Variants in RASEF observed in about 807,000 individuals in gnomAD.
RASEF encodes the protein RAS and EF-hand domain containing.
Under a neutral mutation model 90.1 loss-of-function variants are expected in RASEF, and 68 were observed. That is an observed-to-expected ratio of 0.75 (90% CI 0.62 to 0.92). RASEF has a LOEUF of 0.92. Ranked by LOEUF, RASEF falls within the 40% of genes least tolerant of loss-of-function variation. The probability of loss-of-function intolerance (pLI) is 0.00; values close to 1 mark genes in which losing one functional copy is unlikely to be tolerated. For synonymous variants in RASEF, 331 were observed against 345.2 expected (o/e 0.96, Z 0.46); for missense variants, 949 against 937.2 (o/e 1.01, Z -0.16).
At chr9:83,058,211 C>T in intron 1 of RASEF, among the ~76,000 whole-genome samples, 1 of 103,332 alleles carries the variant, frequency 9.7e-6, no homozygotes, top group Non-Finnish European at 1.7e-5. Context: ...GAGAAGGAGT[C>T]TCGCTCTGTC....
the RASEF span, among the ~76,000 whole-genome samples, chr9:83,212,213 C>T: frequency 6.6e-6 from 1 of 152,128 alleles, no homozygotes; most frequent in Non-Finnish European, 1.5e-5. Context: ...AGTAACTTGC[C>T]CAAGGTCACA....
the RASEF span, among the ~76,000 whole-genome samples, chr9:83,114,299 C>T: frequency 6.6e-6 from 1 of 152,178 alleles, no homozygotes; most frequent in Non-Finnish European, 1.5e-5. Context: ...TTTCCTATGC[C>T]TGTCTTTGCT....
the RASEF span, among the ~76,000 whole-genome samples, chr9:83,144,653 C>T: frequency 1.2e-4 from 19 of 152,182 alleles, no homozygotes; most frequent in East Asian, 3.7e-3. Context: ...TGAAAGAGCA[C>T]AGTACATCCA....
the RASEF span, among the ~76,000 whole-genome samples, chr9:83,150,752 TAA>T: frequency 6.6e-6 from 1 of 152,222 alleles, no homozygotes; most frequent in Non-Finnish European, 1.5e-5. Context: ...GAAATAAATT[TAA>T]GTTCTGTTTA....
At chr9:83,127,358 T>G in the RASEF span, among the ~76,000 whole-genome samples, 1 of 152,124 alleles carries the variant, frequency 6.6e-6, no homozygotes, top group Non-Finnish European at 1.5e-5. Flanking sequence ...AATAAATGTG[T>G]TTTTTTCCTA....
chr9:83,122,430 T>A, the RASEF span, among the ~76,000 whole-genome samples: 1 of 152,180 alleles, frequency 6.6e-6, no homozygotes, highest in Non-Finnish European at 1.5e-5. Flanking sequence ...TGTAAGCAGC[T>A]CAGCCAAAGG....
At chr9:83,073,073 C>A in the RASEF span, among the ~76,000 whole-genome samples, 1 of 152,166 alleles carries the variant, frequency 6.6e-6, no homozygotes, top group Admixed American at 6.5e-5. Context: ...ACGTTTCTCT[C>A]CATCACGCAT....
At chr9:83,217,183 T>C in the RASEF span, among the ~76,000 whole-genome samples, 668 of 152,274 alleles carry the variant, frequency 4.4e-3, 6 homozygotes, top group African/African-American at 0.014. Context: ...AGGGGGTATT[T>C]ATCCGATGCT....
the RASEF span, among the ~76,000 whole-genome samples, chr9:83,071,154 A>C: frequency 0.035 from 5,272 of 152,212 alleles, 179 homozygotes; most frequent in African/African-American, 0.082. Context: ...CTTCTAATAC[A>C]AGGTAGAATT....
intron 3 of RASEF, among the ~76,000 whole-genome samples, chr9:83,017,609 T>C (rs1415395483): frequency 1.3e-5 from 2 of 152,208 alleles, no homozygotes; most frequent in Non-Finnish European, 2.9e-5. Context: ...TAAGAGATTG[T>C]TACAGTAATG....
chr9:83,001,275 G>A lies in RASEF; in HGVS notation c.1203-145C>T, dbSNP rs1180786366. 5 of 605,658 alleles carry A rather than the reference G, an allele frequency of 8.3e-6. No individual in the cohort carries two copies. The African/African-American group carries it at 9.2e-5, about 11-fold the overall frequency. 37.5% of individuals were successfully genotyped at this position (605,658 alleles called of 1,614,324 possible). On this transcript the variant is annotated intron_variant, in intron 9 of 16. Coordinates refer to ENST00000376447, the MANE Select transcript of RASEF (RefSeq NM_152573.4). ...TGTTATTTCATGATTAGGCATTAGG[G>A]GAAATAAAATGCTCAAAGCACCATC...
At chr9:83,139,219 A>G in the RASEF span, among the ~76,000 whole-genome samples, 1 of 152,160 alleles carries the variant, frequency 6.6e-6, no homozygotes, top group African/African-American at 2.4e-5. Context: ...TTCATGTTTG[A>G]GAAGCACTGT....
At chr9:83,017,241 T>G (rs545238659) in intron 3 of RASEF, among the ~76,000 whole-genome samples, 11 of 149,278 alleles carry the variant, frequency 7.4e-5, no homozygotes, top group African/African-American at 2.5e-4. Flanking sequence ...ATCCCAACAC[T>G]CTGGGAGGCC....
At chr9:83,172,461 T>C in the RASEF span, among the ~76,000 whole-genome samples, 7 of 151,830 alleles carry the variant, frequency 4.6e-5, no homozygotes, top group African/African-American at 1.7e-4. Flanking sequence ...CTTTCTTCCT[T>C]TCCTACTGTC....
the RASEF span, among the ~76,000 whole-genome samples, chr9:83,205,627 C>T: frequency 7.9e-5 from 12 of 152,088 alleles, no homozygotes; most frequent in African/African-American, 2.9e-4. Context: ...TTTATTTGCA[C>T]TTCTCTTACA....
the RASEF span, among the ~76,000 whole-genome samples, chr9:83,081,894 T>C: frequency 6.6e-6 from 1 of 152,158 alleles, no homozygotes; most frequent in African/African-American, 2.4e-5. Context: ...CACATTTCAG[T>C]CAATTAAATG....
intron 1 of RASEF, among the ~76,000 whole-genome samples, chr9:83,058,866 G>A (rs1564091688): frequency 1.3e-5 from 2 of 152,060 alleles, no homozygotes; most frequent in African/African-American, 2.4e-5. Flanking sequence ...AATCCCCTTC[G>A]ACATCGTGCA....
chr9:83,137,681 A>G, the RASEF span, among the ~76,000 whole-genome samples: 1 of 152,078 alleles, frequency 6.6e-6, no homozygotes, highest in East Asian at 1.9e-4. Flanking sequence ...AATTATATGG[A>G]AACGCATGAA....
chr9:83,166,056 T>A, the RASEF span, among the ~76,000 whole-genome samples: 1 of 152,090 alleles, frequency 6.6e-6, no homozygotes, highest in African/African-American at 2.4e-5. Context: ...TCAAGATGGG[T>A]TTATCTGTGA....
Sources: gnomAD v4.1 joint callset for allele counts (sites outside exome capture counted in the v4.1 genomes callset) on GRCh38, gnomAD v4.1.1 for gene constraint, MANE v1.5 for transcripts, NCBI Gene and HGNC (gene_info 2026-07-23, HGNC 2026-07-21) for gene names.